Variants in DSCAML1 observed in about 807,000 individuals in gnomAD.
The protein encoded by DSCAML1 is cell adhesion molecule DSCAML1.
Under a neutral mutation model 200.5 loss-of-function variants are expected in DSCAML1, and 38 were observed. The observed-to-expected ratio is 0.19, with a 90% CI of 0.15 to 0.25. DSCAML1 has a LOEUF of 0.25. DSCAML1 is among the 10% of genes least tolerant of loss of function. The pLI is 1.00. For missense variants in DSCAML1, 2,223 were observed against 2,858.8 expected (o/e 0.78, Z 5.07); for synonymous variants, 1,215 against 1,165.0 (o/e 1.04, Z -0.87).
intron 3 of DSCAML1, among the ~76,000 whole-genome samples, chr11:117,687,804 T>G (rs2053431291): frequency 6.6e-6 from 1 of 152,086 alleles, no homozygotes; most frequent in South Asian, 2.1e-4. Context: ...AAGGGCAGCT[T>G]AATAGATGGC....
chr11:117,707,842 C>A (rs1490001151), intron 3 of DSCAML1, among the ~76,000 whole-genome samples: 1 of 152,160 alleles, frequency 6.6e-6, no homozygotes, highest in Non-Finnish European at 1.5e-5. Flanking sequence ...CCCAAGGAAG[C>A]TTTTCAACAG....
At chr11:117,435,822 A>G (rs1565675171) in intron 26 of DSCAML1, 23 bp from the exon 27 acceptor site, 3 of 1,590,436 alleles carry the variant, frequency 1.9e-6, no homozygotes, top group Non-Finnish European at 2.6e-6. Flanking sequence ...AAAGAATAGA[A>G]TTAGATGTCC....
chr11:117,613,399 G>A (rs142329539), intron 3 of DSCAML1, among the ~76,000 whole-genome samples: 38 of 152,256 alleles, frequency 2.5e-4, no homozygotes, highest in African/African-American at 7.7e-4. Context: ...GAAGCTTAAA[G>A]GGGAAAGGTG....
intron 3 of DSCAML1, among the ~76,000 whole-genome samples, chr11:117,769,720 G>A (rs1322041839): frequency 6.7e-6 from 1 of 150,306 alleles, no homozygotes; most frequent in Non-Finnish European, 1.5e-5. Context: ...TAGCGTCTTT[G>A]TGCCTCAGCT....
upstream of DSCAML1, among the ~76,000 whole-genome samples, chr11:117,799,262 GT>G (rs1417792138): frequency 6.6e-6 from 1 of 152,166 alleles, no homozygotes; most frequent in Non-Finnish European, 1.5e-5. Flanking sequence ...AGAGCACCTG[GT>G]CAGGTCATGC....
At chr11:117,537,645 C>A (rs763488552) in intron 3 of DSCAML1, among the ~76,000 whole-genome samples, 10 of 152,178 alleles carry the variant, frequency 6.6e-5, no homozygotes, top group Non-Finnish European at 1.2e-4. Context: ...AAATGGGGTC[C>A]TCCTGGGTTA....
At position 117,687,426 on chromosome 11, in the gene DSCAML1, A is replaced by ATTT. The variant is rs71037492; in HGVS notation, c.511+89362_511+89364dup. Among the ~76,000 whole-genome samples the ATTT allele has an allele frequency of 3.7e-3, 359 of 97,326 alleles. 10 individuals carry two copies. The highest frequency in any genetic ancestry group is 0.011 in the African/African-American group (256 of 24,154). 63.8% of individuals were successfully genotyped at this position (97,326 alleles called of 152,430 possible). A position where few individuals can be genotyped will look rare whatever the true frequency, so the allele number is the denominator to read the frequency against. On this transcript the variant is annotated intron_variant, in intron 3 of 32. Coordinates refer to ENST00000651296, the MANE Select transcript of DSCAML1 (RefSeq NM_020693.4). ...CAGGTGTGCTCCACCATGCCTGGCT[A>ATTT]TTTTTTTTTTTTTTTTTTTTTTAGA...
At chr11:117,571,985 G>T (rs140932122) in intron 3 of DSCAML1, among the ~76,000 whole-genome samples, 9 of 152,284 alleles carry the variant, frequency 5.9e-5, no homozygotes, top group Non-Finnish European at 1.0e-4. Context: ...CGTCAGGAAG[G>T]TATCCTATAT....
At chr11:117,794,611 A>G (rs1216617826) in intron 1 of DSCAML1, among the ~76,000 whole-genome samples, 1 of 151,990 alleles carries the variant, frequency 6.6e-6, no homozygotes, top group Non-Finnish European at 1.5e-5. Flanking sequence ...GCAAGAGGAT[A>G]TTGTTTTCTG....
At chr11:117,675,588 T>C (rs1309587868) in intron 3 of DSCAML1, among the ~76,000 whole-genome samples, 1 of 151,300 alleles carries the variant, frequency 6.6e-6, no homozygotes, top group Non-Finnish European at 1.5e-5. Flanking sequence ...GGGGGCTTCC[T>C]TTCCTCCAGA....
chr11:117,698,950 C>T (rs981774869), intron 3 of DSCAML1, among the ~76,000 whole-genome samples: 3 of 152,156 alleles, frequency 2.0e-5, no homozygotes, highest in South Asian at 2.1e-4. Context: ...CGCACAACAC[C>T]GTACTCTAGG....
chr11:117,532,653 C>T, intron 3 of DSCAML1, 131 bp from the exon 4 acceptor site: 1 of 950,160 alleles, frequency 1.1e-6, no homozygotes, highest in Non-Finnish European at 1.5e-6. Context: ...AGTAATTGTT[C>T]CTTTCAGTGT....
intron 3 of DSCAML1, among the ~76,000 whole-genome samples, chr11:117,626,869 T>C (rs944181900): frequency 6.6e-6 from 1 of 152,114 alleles, no homozygotes; most frequent in African/African-American, 2.4e-5. Flanking sequence ...AATCTCATCC[T>C]ATGCTCCACG....
At chr11:117,434,013 T>C (rs949287577) in intron 27 of DSCAML1, among the ~76,000 whole-genome samples, 2 of 152,164 alleles carry the variant, frequency 1.3e-5, no homozygotes, top group African/African-American at 4.8e-5. Flanking sequence ...GAGCCTTGAA[T>C]AAGATCAGGA....
intron 6 of DSCAML1, among the ~76,000 whole-genome samples, chr11:117,519,622 C>T (rs1320626287): frequency 1.3e-5 from 2 of 152,066 alleles, no homozygotes; most frequent in Non-Finnish European, 2.9e-5. Context: ...GAGTTTGAGA[C>T]CAGTCTGGGC....
intron 3 of DSCAML1, among the ~76,000 whole-genome samples, chr11:117,666,165 A>G: frequency 6.6e-6 from 1 of 152,110 alleles, no homozygotes; most frequent in East Asian, 1.9e-4. Flanking sequence ...GGATCTCAGA[A>G]GGCCCTGAGG....
At chr11:117,486,598 C>A (rs1215268588) in intron 11 of DSCAML1, among the ~76,000 whole-genome samples, 1 of 152,200 alleles carries the variant, frequency 6.6e-6, no homozygotes, top group Admixed American at 6.5e-5. Flanking sequence ...CCAGGCCTTG[C>A]CCCTAAAAGT....
intron 11 of DSCAML1, among the ~76,000 whole-genome samples, chr11:117,494,109 ATG>A (rs2049245443): frequency 6.6e-6 from 1 of 152,218 alleles, no homozygotes; most frequent in Non-Finnish European, 1.5e-5. Context: ...CATTTTAGAC[ATG>A]AGAAAAATGA....
intron 8 of DSCAML1, among the ~76,000 whole-genome samples, chr11:117,514,999 G>C (rs2049728374): frequency 6.6e-6 from 1 of 152,238 alleles, no homozygotes; most frequent in African/African-American, 2.4e-5. Flanking sequence ...GGAGCATGGA[G>C]CAATGTGAGA....
Sources: allele counts gnomAD v4.1 joint callset (sites outside exome capture counted in the v4.1 genomes callset), GRCh38; gene constraint gnomAD v4.1.1; transcripts MANE v1.5; gene names NCBI Gene and HGNC (gene_info 2026-07-23, HGNC 2026-07-21).